The following AFF2 variants were observed in gnomAD, a reference collection of about 807,000 sequenced individuals.
The protein encoded by AFF2 is ALF transcription elongation factor 2.
Under a neutral mutation model 76.9 loss-of-function variants are expected in AFF2, and 14 were observed. The observed-to-expected ratio is 0.18, with a 90% CI of 0.12 to 0.28. The LOEUF (loss-of-function observed/expected upper bound fraction) is 0.28. AFF2 is among the 10% of genes least tolerant of loss of function. AFF2 has a pLI of 1.00. For missense variants in AFF2, 868 were observed against 1,001.1 expected, an observed-to-expected ratio of 0.87 and a Z score of 1.79; for synonymous variants, 398 against 366.7, an observed-to-expected ratio of 1.09 and a Z score of -0.98.
intron 9 of AFF2, among the ~76,000 whole-genome samples, chrX:148,926,113 G>T (rs2071647795): frequency 9.0e-6 from 1 of 111,461 alleles, no homozygotes; most frequent in African/African-American, 3.3e-5. Context: ...TAGAGCAATG[G>T]CCCCCACACC....
At chrX:148,517,910 C>A (rs1296791870) in intron 1 of AFF2, among the ~76,000 whole-genome samples, 1 of 107,693 alleles carries the variant, frequency 9.3e-6, no homozygotes, top group East Asian at 2.9e-4. Context: ...GTAGTCCCAG[C>A]TACTCAGGAG....
intron 3 of AFF2, among the ~76,000 whole-genome samples, chrX:148,669,144 T>C (rs2054392501): frequency 9.0e-6 from 1 of 111,706 alleles, no homozygotes; most frequent in African/African-American, 3.3e-5. Context: ...GAGTCACCTT[T>C]GCTCCAGTCC....
chrX:148,757,778 C>A (rs1308355593), intron 3 of AFF2, among the ~76,000 whole-genome samples: 1 of 111,760 alleles, frequency 8.9e-6, no homozygotes, highest in Non-Finnish European at 1.9e-5. Flanking sequence ...TTTTAAAAAT[C>A]TATCTTTCAC....
chrX:148,766,562 T>G (rs2069520658), intron 3 of AFF2, among the ~76,000 whole-genome samples: 2 of 105,103 alleles, frequency 1.9e-5, no homozygotes, highest in Non-Finnish European at 3.9e-5. Flanking sequence ...GTTTGTTTTT[T>G]TCTTGTAAAT....
At chrX:148,773,694 G>GAAAGAAAGAAAGAAAA (rs1805419579) in intron 3 of AFF2, among the ~76,000 whole-genome samples, 1 of 73,020 alleles carries the variant, frequency 1.4e-5, no homozygotes, top group Admixed American at 1.4e-4. Flanking sequence ...AGGAAAGAAA[G>GAAAGAAAGAAAGAAAA]AAAGAAAGAA....
chrX:148,524,123 C>CTGTGTGTG (rs59890095), intron 1 of AFF2, among the ~76,000 whole-genome samples: 58 of 83,463 alleles, frequency 6.9e-4, no homozygotes, highest in African/African-American at 3.0e-3. Flanking sequence ...CTCTCTCTCT[C>CTGTGTGTG]TGTGTGTGTG....
intron 1 of AFF2, among the ~76,000 whole-genome samples, chrX:148,550,396 A>G (rs1242887989): frequency 8.9e-6 from 1 of 111,773 alleles, no homozygotes; most frequent in Non-Finnish European, 1.9e-5. Context: ...ACATTCCTAT[A>G]CTGGATGATA....
chrX:148,797,421 T>A (rs2069999470), intron 3 of AFF2, among the ~76,000 whole-genome samples: 1 of 111,968 alleles, frequency 8.9e-6, no homozygotes, highest in African/African-American at 3.2e-5. Flanking sequence ...GGACAAAGTG[T>A]TACATATAGA....
At chrX:148,981,900 A>G (rs1397117334) in intron 19 of AFF2, among the ~76,000 whole-genome samples, 1 of 112,682 alleles carries the variant, frequency 8.9e-6, no homozygotes, top group Non-Finnish European at 1.9e-5. Flanking sequence ...ATTGAAAACT[A>G]CACATTAACT....
intron 3 of AFF2, among the ~76,000 whole-genome samples, chrX:148,681,654 AAGAAAGAAAG>A (rs1486885727): frequency 3.7e-5 from 4 of 108,475 alleles, no homozygotes; most frequent in East Asian, 2.9e-4. Context: ...AAGAAAGAGA[AAGAAAGAAAG>A]AGAAAGAAAG....
intron 1 of AFF2, among the ~76,000 whole-genome samples, chrX:148,545,806 C>G (rs1188142985): frequency 1.8e-5 from 2 of 110,906 alleles, no homozygotes; most frequent in African/African-American, 6.6e-5. Flanking sequence ...TCCCACCCCC[C>G]AAATTTGTGA....
intron 3 of AFF2, among the ~76,000 whole-genome samples, chrX:148,795,872 T>TATATATATATATATAC (rs58337451): frequency 8.9e-5 from 3 of 33,690 alleles, no homozygotes; most frequent in African/African-American, 8.0e-5. Context: ...TATATATATA[T>TATATATATATATATAC]ACACACCTAA....
chrX:148,962,654 G>A (rs1372315162), intron 12 of AFF2, 61 bp from the exon 13 acceptor site: 3 of 999,345 alleles, frequency 3.0e-6, no homozygotes, highest in East Asian at 6.4e-5. Context: ...AGCATCATGG[G>A]GAAAATCAGA....
intron 4 of AFF2, among the ~76,000 whole-genome samples, chrX:148,827,442 T>G (rs1364328707): frequency 8.9e-6 from 1 of 111,737 alleles, no homozygotes; most frequent in Non-Finnish European, 1.9e-5. Context: ...TGAAAGGACT[T>G]AGACTGAGGA....
chrX:148,762,508 G>GTA (rs1557267410), intron 3 of AFF2, among the ~76,000 whole-genome samples: 6 of 106,435 alleles, frequency 5.6e-5, no homozygotes, highest in East Asian at 2.9e-4. Context: ...GTGTGTGTGT[G>GTA]TATATAACAT....
intron 12 of AFF2, among the ~76,000 whole-genome samples, chrX:148,961,626 A>T (rs1305736359): frequency 8.9e-6 from 1 of 112,015 alleles, no homozygotes; most frequent in Non-Finnish European, 1.9e-5. Context: ...AGGAGTCTGC[A>T]TTGACTTCTA....
At chrX:148,581,281 T>TATACACAC (rs2053383554) in intron 1 of AFF2, among the ~76,000 whole-genome samples, 2 of 229 alleles carry the variant, frequency 8.7e-3, no homozygotes, top group African/African-American at 0.013. Context: ...CATATACACG[T>TATACACAC]ATATACGTAT....
chrX:148,550,171 T>C (rs968427375), intron 1 of AFF2, among the ~76,000 whole-genome samples: 1 of 112,190 alleles, frequency 8.9e-6, no homozygotes, highest in African/African-American at 3.2e-5. Flanking sequence ...GTGAATTTTG[T>C]CAAAAGAAGT....
intron 3 of AFF2, among the ~76,000 whole-genome samples, chrX:148,673,422 C>G (rs1469231460): frequency 9.0e-6 from 1 of 111,620 alleles, no homozygotes; most frequent in African/African-American, 3.3e-5. Flanking sequence ...TGGCTTGTGG[C>G]AGCATCATGA....
Sources: gnomAD v4.1 joint callset for allele counts (sites outside exome capture counted in the v4.1 genomes callset) on GRCh38, gnomAD v4.1.1 for gene constraint, MANE v1.5 for transcripts, NCBI Gene and HGNC (gene_info 2026-07-23, HGNC 2026-07-21) for gene names.